OGN: variants seen among roughly 807,000 people sequenced by gnomAD.
OGN encodes the protein osteoglycin, also known as mimecan.
In OGN, 19 loss-of-function variants were observed where a neutral mutation model predicts 30.8. That is an observed-to-expected ratio of 0.62 (90% confidence interval 0.43 to 0.90). The LOEUF is 0.90. OGN is among the 40% of genes least tolerant of loss of function. The probability of loss-of-function intolerance (pLI) is 0.00; values close to 1 mark genes in which losing one functional copy is unlikely to be tolerated. For missense variants in OGN, 283 were observed against 349.7 expected (o/e 0.81, Z 1.52); for synonymous variants, 126 against 128.3 (o/e 0.98, Z 0.12).
intron 5 of OGN, among the ~76,000 whole-genome samples, chr9:92,389,303 A>G (rs1842571245): frequency 6.6e-6 from 1 of 152,178 alleles, no homozygotes. Flanking sequence ...TTCCTACATA[A>G]TATTTGCTTG....
intron 3 of OGN, among the ~76,000 whole-genome samples, chr9:92,397,245 A>G (rs1189820884): frequency 6.6e-6 from 1 of 152,126 alleles, no homozygotes; most frequent in Non-Finnish European, 1.5e-5. Context: ...TAACATAGCA[A>G]GATGTCCCAA....
chr9:92,387,070 A>T (rs201579842), intron 5 of OGN, among the ~76,000 whole-genome samples: 1 of 149,018 alleles, frequency 6.7e-6, no homozygotes, highest in Non-Finnish European at 1.5e-5. Context: ...AAAAAAAAAA[A>T]AAAAAGAAAT....
chr9:92,398,866 A>G (rs569395924), intron 3 of OGN, among the ~76,000 whole-genome samples: 1 of 152,270 alleles, frequency 6.6e-6, no homozygotes, highest in African/African-American at 2.4e-5. Flanking sequence ...GTTCAAGACC[A>G]GCCTGACCAA....
At chr9:92,394,189 A>AT (rs78836517) in intron 3 of OGN, among the ~76,000 whole-genome samples, 5,397 of 151,992 alleles carry the variant, frequency 0.036, 126 homozygotes, top group South Asian at 0.086. Context: ...CTCTCTTCTT[A>AT]TTTTTATATC....
At chr9:92,386,384 T>A in intron 5 of OGN, 88 bp from the exon 6 acceptor site, 1 of 781,782 alleles carries the variant, frequency 1.3e-6, no homozygotes, top group South Asian at 1.4e-5. Context: ...TATGAGTATA[T>A]GTCTATATAT....
At chr9:92,399,686 G>T (rs879443889) in intron 3 of OGN, among the ~76,000 whole-genome samples, 2 of 152,186 alleles carry the variant, frequency 1.3e-5, no homozygotes, top group South Asian at 4.1e-4. Flanking sequence ...TTTATTTTTT[G>T]TGTAAGGTAT....
chr9:92,403,183 A>T, intron 2 of OGN, 51 bp downstream of exon 2: 2 of 1,275,008 alleles, frequency 1.6e-6, no homozygotes, highest in Non-Finnish European at 2.2e-6. Flanking sequence ...AAAAACATGC[A>T]TTTAAATGGG....
rs749989622 is a variant in OGN, at chr9:92,384,805, T to A, written c.*815A>T. 1 of 152,144 alleles carries A rather than the reference T, an allele frequency of 6.6e-6. No individual in the cohort carries two copies. Among genetic ancestry groups the A allele is most frequent in the Non-Finnish European group, 1.5e-5 (1 of 67,994 alleles). 9.4% of individuals were successfully genotyped at this position (152,144 alleles called of 1,614,324 possible). ...ATAAAAGGAAAATATTTTGCAGTTA[T>A]CTCGTATTTGAAAGACTTTGCCATA... On this transcript the variant is annotated 3_prime_UTR_variant, in exon 7 of 7. Transcript: ENST00000375561.
At chr9:92,396,756 A>G (rs2130914275) in intron 3 of OGN, among the ~76,000 whole-genome samples, 1 of 152,010 alleles carries the variant, frequency 6.6e-6, no homozygotes, top group East Asian at 1.9e-4. Context: ...TTTTGTAGAG[A>G]CATGGTGTCA....
rs759672014 is a variant in OGN, at chr9:92,389,859, A to C, written c.625T>G (p.Phe209Val). 6.3e-7 allele frequency: 1 copy of C among 1,598,918 alleles called. No individual in the cohort carries two copies. The highest frequency in any genetic ancestry group is 1.7e-4 in the Middle Eastern group (1 of 5,940). The change falls in exon 5 of 7, where the codon TTC becomes GTC. Residue 209 changes from phenylalanine (F) to valine (V), a missense_variant. Phe to Val is a conservative substitution (Grantham distance 50, BLOSUM62 -1). Coordinates refer to ENST00000375561, the MANE Select transcript of OGN (RefSeq NM_014057.5). ...IKSRGIKANAFKKLNNLTFLY... is the reference protein window; with the variant it reads ...IKSRGIKANAVKKLNNLTFLY... Reference sequence around the variant, plus strand: ...TTTTACTATAAAATACTTACTTTGAATGCATTTGCTTTGATTCCCCTACTC... The same window carrying C: ...TTTTACTATAAAATACTTACTTTGACTGCATTTGCTTTGATTCCCCTACTC...
intron 5 of OGN, among the ~76,000 whole-genome samples, chr9:92,387,849 C>T (rs768974580): frequency 1.3e-5 from 2 of 151,646 alleles, no homozygotes; most frequent in East Asian, 1.9e-4. Flanking sequence ...CTGCAACCTC[C>T]GCCTCCCAGG....
In OGN at chr9:92,385,205, A is replaced by G. The variant is rs1158619581; in HGVS notation, c.*415T>C. 1 of 154,700 alleles carries G rather than the reference A, an allele frequency of 6.5e-6. No individual in the cohort carries two copies. Among genetic ancestry groups the G allele is most frequent in the Non-Finnish European group, 1.4e-5 (1 of 69,572 alleles). 9.6% of individuals were successfully genotyped at this position (154,700 alleles called of 1,614,324 possible). A position where few individuals can be genotyped will look rare whatever the true frequency, so the allele number is the denominator to read the frequency against. On this transcript the variant is annotated 3_prime_UTR_variant, in exon 7 of 7. Transcript: ENST00000375561. ...ATCATGGGAAACATTTAGCTTTTCAAAGTTTTTGGAACATGTACCTTAAAT... is the reference window on the plus strand; with the variant it reads ...ATCATGGGAAACATTTAGCTTTTCAGAGTTTTTGGAACATGTACCTTAAAT...
chr9:92,402,848 T>A (rs1237200341), intron 2 of OGN, among the ~76,000 whole-genome samples: 1 of 152,226 alleles, frequency 6.6e-6, no homozygotes, highest in African/African-American at 2.4e-5. Context: ...AACCTTAAGC[T>A]GATAATTCAT....
intron 3 of OGN, among the ~76,000 whole-genome samples, chr9:92,398,709 G>A (rs773434720): frequency 1.6e-4 from 24 of 152,054 alleles, no homozygotes; most frequent in Non-Finnish European, 3.2e-4. Flanking sequence ...CTGATATTTT[G>A]CAATTGCATG....
In OGN at chr9:92,403,300, A is replaced by T. The variant is rs909387888; in HGVS notation, c.108T>A (p.Asp36Glu). 6 of 1,612,260 alleles carry T rather than the reference A, an allele frequency of 3.7e-6. No individual in the cohort carries two copies. Among genetic ancestry groups the T allele is most frequent in the Non-Finnish European group, 5.1e-6 (6 of 1,178,632 alleles). Residue 36 changes from aspartate (D) to glutamate (E), a missense_variant, in exon 2 of 7, where the codon GAT (aspartate) becomes GAA (glutamate). By Grantham distance (45) the Asp-to-Glu change is conservative. Coordinates refer to ENST00000375561, the MANE Select transcript of OGN (RefSeq NM_014057.5). Reference sequence around the variant, plus strand: ...GGCTAAATATGGATTCTTCAAAATTATCTGTTCCATAATCATAGATAATGC... The same window carrying T: ...GGCTAAATATGGATTCTTCAAAATTTTCTGTTCCATAATCATAGATAATGC... Reference protein sequence around the residue: ...DSRIIYDYGTDNFEESIFSQD... With the variant: ...DSRIIYDYGTENFEESIFSQD...
Position 92,385,534 on chromosome 9 carries a change from A to T in OGN, c.*86T>A. The T allele has an allele frequency of 8.6e-7, 1 of 1,165,038 alleles. No homozygotes were observed. The highest frequency in any genetic ancestry group is 1.2e-6 in the Non-Finnish European group (1 of 809,932). The allele number at this position is 1,165,038 out of a possible 1,614,324, so 72.2% of individuals were successfully genotyped here. A position where few individuals can be genotyped will look rare whatever the true frequency, so the allele number is the denominator to read the frequency against. On this transcript the variant is annotated 3_prime_UTR_variant, in exon 7 of 7. Coordinates refer to ENST00000375561, the MANE Select transcript of OGN (RefSeq NM_014057.5). ...CAAAATGAGATACAAGGTTAATATT[A>T]AACCAATACTTAAGTTCCTTTACTC...
intron 3 of OGN, among the ~76,000 whole-genome samples, chr9:92,396,094 CTTTCAGCACCGT>C (rs1842880779): frequency 6.6e-6 from 1 of 152,068 alleles, no homozygotes. Context: ...TTGTCTGGTT[CTTTCAGCACCGT>C]TTTTTAAAAG....
intron 3 of OGN, among the ~76,000 whole-genome samples, chr9:92,398,612 A>G (rs1012401594): frequency 6.6e-6 from 1 of 151,372 alleles, no homozygotes; most frequent in African/African-American, 2.4e-5. Flanking sequence ...TTCCTCATTC[A>G]TTTTTACAAC....
At chr9:92,389,318 G>T (rs1246412712) in intron 5 of OGN, among the ~76,000 whole-genome samples, 1 of 152,052 alleles carries the variant, frequency 6.6e-6, no homozygotes, top group African/African-American at 2.4e-5. Flanking sequence ...TGCTTGAATT[G>T]TTAAGAAATG....
Sources: allele counts gnomAD v4.1 joint callset (sites outside exome capture counted in the v4.1 genomes callset), GRCh38; gene constraint gnomAD v4.1.1; transcripts MANE v1.5; gene names NCBI Gene and HGNC (gene_info 2026-07-23, HGNC 2026-07-21).